The following MGAT4C variants were observed in gnomAD, a reference collection of about 807,000 sequenced individuals.
MGAT4C encodes the protein MGAT4 family member C, also known as alpha-1,3-mannosyl-glycoprotein 4-beta-N-acetylglucosaminyltransferase C.
MGAT4C carries 19 observed loss-of-function variants against 40.1 expected under a neutral mutation model. The observed-to-expected ratio is 0.47, with a 90% CI of 0.33 to 0.70. MGAT4C has a LOEUF of 0.70. Among genes scored for constraint, MGAT4C ranks in the 30% least tolerant of loss-of-function variants. The probability of loss-of-function intolerance (pLI) is 0.02; values close to 1 mark genes in which losing one functional copy is unlikely to be tolerated. For synonymous variants in MGAT4C, 181 were observed against 187.1 expected, an observed-to-expected ratio of 0.97 and a Z score of 0.27; for missense variants, 491 against 563.2, an observed-to-expected ratio of 0.87 and a Z score of 1.30.
intron 1 of MGAT4C, among the ~76,000 whole-genome samples, chr12:86,194,518 G>C (rs1291571051): frequency 6.6e-6 from 1 of 151,186 alleles, no homozygotes. Context: ...GCAATGGTGC[G>C]ATCTTGGCTC....
chr12:86,508,878 T>C (rs1401490911), intron 2 of MGAT4C, among the ~76,000 whole-genome samples: 2 of 150,506 alleles, frequency 1.3e-5, no homozygotes, highest in Non-Finnish European at 3.0e-5. Context: ...TGTCTGTTCA[T>C]GTCCTTCGCC....
intron 3 of MGAT4C, among the ~76,000 whole-genome samples, chr12:86,409,752 G>A (rs1956565504): frequency 6.6e-6 from 1 of 152,148 alleles, no homozygotes; most frequent in African/African-American, 2.4e-5. Context: ...GATCATGGAG[G>A]TGGACTTCTC....
intron 2 of MGAT4C, among the ~76,000 whole-genome samples, chr12:86,519,919 A>T (rs1253791179): frequency 1.3e-5 from 2 of 151,878 alleles, no homozygotes; most frequent in Non-Finnish European, 2.9e-5. Flanking sequence ...CCAATTGTCT[A>T]ATTTTGCTTT....
intron 1 of MGAT4C, among the ~76,000 whole-genome samples, chr12:86,197,035 G>A (rs1416148011): frequency 1.3e-5 from 2 of 152,108 alleles, no homozygotes; most frequent in Non-Finnish European, 2.9e-5. Context: ...GAAAAATCCA[G>A]CCTCACCTTC....
chr12:86,323,186 G>T (rs998238458), intron 4 of MGAT4C, among the ~76,000 whole-genome samples: 22 of 150,542 alleles, frequency 1.5e-4, no homozygotes, highest in African/African-American at 4.4e-4. Context: ...ACTCCTGCTG[G>T]AAAAACAATT....
At chr12:86,633,545 C>A (rs375412272) in intron 2 of MGAT4C, among the ~76,000 whole-genome samples, 1 of 151,956 alleles carries the variant, frequency 6.6e-6, no homozygotes, top group Non-Finnish European at 1.5e-5. Flanking sequence ...TCTGACTATA[C>A]CTATTAGGAT....
At chr12:86,601,615 C>T (rs1961784352) in intron 2 of MGAT4C, among the ~76,000 whole-genome samples, 2 of 152,122 alleles carry the variant, frequency 1.3e-5, no homozygotes, top group South Asian at 4.1e-4. Context: ...TCAGGACCCC[C>T]AGACTGCGGG....
chr12:86,714,155 TA>T (rs1190192250), intron 2 of MGAT4C, among the ~76,000 whole-genome samples: 3 of 152,134 alleles, frequency 2.0e-5, no homozygotes, highest in Admixed American at 2.0e-4. Flanking sequence ...TTATGGAAAT[TA>T]AGGGACAAAA....
chr12:86,487,335 G>A (rs997681423), intron 2 of MGAT4C, among the ~76,000 whole-genome samples: 6 of 152,134 alleles, frequency 3.9e-5, no homozygotes, highest in African/African-American at 1.4e-4. Flanking sequence ...AATGTATCCA[G>A]TTAGGACTAA....
intron 2 of MGAT4C, among the ~76,000 whole-genome samples, chr12:86,030,768 CA>C (rs1262896108): frequency 1.3e-5 from 2 of 151,404 alleles, no homozygotes; most frequent in Admixed American, 1.3e-4. Context: ...ATATTCAAGC[CA>C]GAAAAAAATG....
At chr12:86,568,106 G>T (rs902451205) in intron 2 of MGAT4C, among the ~76,000 whole-genome samples, 3 of 152,106 alleles carry the variant, frequency 2.0e-5, no homozygotes, top group Admixed American at 6.6e-5. Context: ...TGATTGGATT[G>T]AAGAATACAA....
intron 1 of MGAT4C, among the ~76,000 whole-genome samples, chr12:86,205,752 C>G (rs1485851658): frequency 6.6e-6 from 1 of 152,012 alleles, no homozygotes; most frequent in Non-Finnish European, 1.5e-5. Flanking sequence ...TTTCTTGACT[C>G]TATATTTCCA....
intron 2 of MGAT4C, among the ~76,000 whole-genome samples, chr12:86,611,877 T>C (rs2136476154): frequency 6.6e-6 from 1 of 152,320 alleles, no homozygotes; most frequent in African/African-American, 2.4e-5. Flanking sequence ...TTAAGTACTT[T>C]ATATTTTATT....
intron 1 of MGAT4C, among the ~76,000 whole-genome samples, chr12:86,792,370 C>T (rs577345211): frequency 3.4e-4 from 51 of 152,046 alleles, no homozygotes; most frequent in Non-Finnish European, 7.1e-4. Flanking sequence ...AAAGGTGACA[C>T]TTGCCTAGAA....
intron 2 of MGAT4C, among the ~76,000 whole-genome samples, chr12:86,692,514 T>C (rs1013465464): frequency 3.9e-5 from 6 of 152,170 alleles, no homozygotes; most frequent in Admixed American, 3.9e-4. Flanking sequence ...TCTCTCCAAT[T>C]TGTTTAAAAT....
At chr12:86,013,892 A>C (rs1888790680) in intron 2 of MGAT4C, 1 of 337,342 alleles carries the variant, frequency 3.0e-6, no homozygotes, top group African/African-American at 2.2e-5. Flanking sequence ...GTATTACATG[A>C]CTTCTCCTAC....
chr12:86,731,895 TC>T (rs1167354363), intron 1 of MGAT4C, among the ~76,000 whole-genome samples: 5 of 152,126 alleles, frequency 3.3e-5, no homozygotes, highest in Non-Finnish European at 5.9e-5. Flanking sequence ...ATTACTTTTT[TC>T]CCCCTTCATT....
At chr12:86,077,127 C>G (rs1483910086) in intron 1 of MGAT4C, among the ~76,000 whole-genome samples, 1 of 152,182 alleles carries the variant, frequency 6.6e-6, no homozygotes, top group African/African-American at 2.4e-5. Flanking sequence ...GCAACACTCT[C>G]ATAGACAAAC....
At chr12:86,328,218 CACTG>C (rs1954571994) in intron 4 of MGAT4C, among the ~76,000 whole-genome samples, 1 of 152,226 alleles carries the variant, frequency 6.6e-6, no homozygotes, top group East Asian at 1.9e-4. Context: ...GAAAAACCTA[CACTG>C]ACATATTTAT....
Sources: gnomAD v4.1 joint callset for allele counts (sites outside exome capture counted in the v4.1 genomes callset) on GRCh38, gnomAD v4.1.1 for gene constraint, MANE v1.5 for transcripts, NCBI Gene and HGNC (gene_info 2026-07-23, HGNC 2026-07-21) for gene names.